Variants in FLI1 observed in about 807,000 individuals in gnomAD.
FLI1 encodes Friend leukemia integration 1 transcription factor.
FLI1 carries 13 observed loss-of-function variants against 53.1 expected under a neutral mutation model. The ratio of observed to expected loss-of-function variants is 0.24; its 90% confidence interval spans 0.16 to 0.39. The LOEUF is 0.39. Among genes scored for constraint, FLI1 ranks in the 10% least tolerant of loss-of-function variants. The pLI is 1.00. For missense variants in FLI1, 424 were observed against 600.5 expected, an observed-to-expected ratio of 0.71 and a Z score of 3.07; for synonymous variants, 244 against 236.7, an observed-to-expected ratio of 1.03 and a Z score of -0.28.
intron 5 of FLI1, among the ~76,000 whole-genome samples, chr11:128,795,559 AT>A (rs33948261): frequency 1.8e-4 from 25 of 136,412 alleles, no homozygotes; most frequent in Middle Eastern, 3.8e-3. Flanking sequence ...ATAGAAAGCA[AT>A]TTTTTTTTTT....
intron 1 of FLI1, among the ~76,000 whole-genome samples, chr11:128,687,106 G>A (rs1405450998): frequency 6.6e-6 from 1 of 152,266 alleles, no homozygotes; most frequent in Admixed American, 6.5e-5. Context: ...GCGCCTGTTT[G>A]CATGTGGGCG....
At chr11:128,743,369 C>T (rs1247737614) in intron 1 of FLI1, among the ~76,000 whole-genome samples, 1 of 148,312 alleles carries the variant, frequency 6.7e-6, no homozygotes, top group Non-Finnish European at 1.5e-5. Flanking sequence ...CATGCCACTG[C>T]ACTTCAGCCT....
chr11:128,703,182 T>G (rs888412024), intron 1 of FLI1, among the ~76,000 whole-genome samples: 3 of 152,236 alleles, frequency 2.0e-5, no homozygotes, highest in African/African-American at 7.2e-5. Flanking sequence ...AACAGCTTAA[T>G]GTCTCATGTT....
intron 1 of FLI1, among the ~76,000 whole-genome samples, chr11:128,727,369 G>C (rs1167636880): frequency 6.6e-6 from 1 of 152,224 alleles, no homozygotes; most frequent in Non-Finnish European, 1.5e-5. Context: ...ATAGCTTATG[G>C]ATTAGAAAAC....
At chr11:128,779,527 G>A (rs1941843823) in intron 4 of FLI1, among the ~76,000 whole-genome samples, 2 of 152,234 alleles carry the variant, frequency 1.3e-5, no homozygotes, top group Non-Finnish European at 1.5e-5. Context: ...TGTGACATCT[G>A]TGGGAGAAAG....
chr11:128,697,319 T>G, intron 1 of FLI1, among the ~76,000 whole-genome samples: 1 of 152,234 alleles, frequency 6.6e-6, no homozygotes, highest in South Asian at 2.1e-4. Flanking sequence ...ACAGACATGG[T>G]GAATGAAGGT....
chr11:128,696,492 C>T (rs138970195), intron 1 of FLI1, among the ~76,000 whole-genome samples: 22 of 152,202 alleles, frequency 1.4e-4, no homozygotes, highest in East Asian at 1.9e-4. Flanking sequence ...GAGAATGAAC[C>T]GTCCATTAAG....
At chr11:128,703,136 C>T (rs751513497) in intron 1 of FLI1, among the ~76,000 whole-genome samples, 1 of 152,102 alleles carries the variant, frequency 6.6e-6, no homozygotes, top group Non-Finnish European at 1.5e-5. Flanking sequence ...TAATAAAATT[C>T]CAATGTTTAT....
intron 5 of FLI1, among the ~76,000 whole-genome samples, chr11:128,797,717 G>A (rs562411188): frequency 2.0e-5 from 3 of 152,320 alleles, no homozygotes; most frequent in Non-Finnish European, 2.9e-5. Context: ...TAAATGTGTG[G>A]TGGGACATAA....
At chr11:128,751,317 C>T (rs979815172) in intron 1 of FLI1, among the ~76,000 whole-genome samples, 6 of 151,962 alleles carry the variant, frequency 3.9e-5, no homozygotes, top group African/African-American at 7.3e-5. Flanking sequence ...ATGGTTCTCA[C>T]GCCATTTCTC....
At chr11:128,717,544 G>A (rs949688627) in intron 1 of FLI1, among the ~76,000 whole-genome samples, 1 of 152,182 alleles carries the variant, frequency 6.6e-6, no homozygotes, top group Non-Finnish European at 1.5e-5. Context: ...CAGGCAGGAA[G>A]TGCCTTTGTT....
At chr11:128,780,018 A>G (rs1277295223) in intron 4 of FLI1, among the ~76,000 whole-genome samples, 1 of 152,200 alleles carries the variant, frequency 6.6e-6, no homozygotes, top group African/African-American at 2.4e-5. Context: ...ATACACTATT[A>G]CCGTTGTCGT....
At chr11:128,787,249 T>C (rs1432106210) in intron 5 of FLI1, among the ~76,000 whole-genome samples, 1 of 152,192 alleles carries the variant, frequency 6.6e-6, no homozygotes, top group Non-Finnish European at 1.5e-5. Flanking sequence ...ATCCCGTTTG[T>C]GCCCTCTGGT....
In FLI1 at chr11:128,805,425, A is replaced by C. The variant is rs1401733206; in HGVS notation, c.715A>C (p.Asn239His). Residue 239 changes from asparagine (N) to histidine (H), a missense_variant, in exon 6 of 9, where the codon AAC becomes CAC. Physicochemically the swap from Asn to His is moderately conservative, Grantham distance 68. This residue lies in a region of FLI1 where 114 missense variants were observed against 117.9 expected (regional missense o/e 0.97). Coordinates refer to ENST00000527786, the MANE Select transcript of FLI1 (RefSeq NM_002017.5). ...AWGNNMNSGL[N>H]KSPPLGGAQT... Reference sequence around the variant, plus strand: ...GGGCAATAACATGAATTCTGGCCTCAACAAAAGTAAGTAAATGTTTTATAG... The same window carrying C: ...GGGCAATAACATGAATTCTGGCCTCCACAAAAGTAAGTAAATGTTTTATAG... 6.4e-7 allele frequency: 1 copy of C among 1,567,304 alleles called. No homozygotes were observed. The highest frequency in any genetic ancestry group is 1.8e-5 in the Admixed American group (1 of 54,658).
At chr11:128,794,264 GA>G (rs916521139) in intron 5 of FLI1, among the ~76,000 whole-genome samples, 2 of 151,888 alleles carry the variant, frequency 1.3e-5, no homozygotes, top group African/African-American at 4.8e-5. Context: ...AATACTTTGG[GA>G]AAAAAAAGGA....
At chr11:128,761,595 T>C (rs1056308401) in intron 2 of FLI1, among the ~76,000 whole-genome samples, 7 of 152,192 alleles carry the variant, frequency 4.6e-5, no homozygotes, top group African/African-American at 1.7e-4. Flanking sequence ...TCATGCTCAA[T>C]GGAGACCCAT....
At chr11:128,709,211 C>A (rs375351664) in intron 1 of FLI1, among the ~76,000 whole-genome samples, 5 of 152,300 alleles carry the variant, frequency 3.3e-5, no homozygotes, top group African/African-American at 9.6e-5. Flanking sequence ...TTTCTACCAA[C>A]CTTACTAATA....
intron 4 of FLI1, among the ~76,000 whole-genome samples, chr11:128,775,748 G>A (rs919451939): frequency 2.6e-5 from 4 of 152,220 alleles, no homozygotes; most frequent in African/African-American, 9.6e-5. Flanking sequence ...CAAGGCAAGG[G>A]GAGAGGGTGC....
chr11:128,732,903 A>G (rs1370860694), intron 1 of FLI1, among the ~76,000 whole-genome samples: 1 of 152,230 alleles, frequency 6.6e-6, no homozygotes, highest in African/African-American at 2.4e-5. Flanking sequence ...AATCAGATCT[A>G]GAGAAGTAGA....
Sources: gnomAD v4.1 joint callset for allele counts (sites outside exome capture counted in the v4.1 genomes callset) on GRCh38, gnomAD v4.1.1 for gene constraint, gnomAD v4.1.1 regional missense constraint, MANE v1.5 for transcripts, NCBI Gene and HGNC (gene_info 2026-07-23, HGNC 2026-07-21) for gene names.